MYO3A: variants seen among roughly 807,000 people sequenced by gnomAD.
MYO3A encodes myosin IIIA.
MYO3A carries 180 observed loss-of-function variants against 192.7 expected under a neutral mutation model. The ratio of observed to expected loss-of-function variants is 0.93; its 90% CI spans 0.83 to 1.06. The LOEUF (loss-of-function observed/expected upper bound fraction) is 1.06, where lower values mean the gene tolerates loss of function less well. MYO3A is among the 50% of genes least tolerant of loss of function. MYO3A has a pLI of 0.00. For missense variants in MYO3A, 1,896 were observed against 1,905.0 expected, an observed-to-expected ratio of 1.00 and a Z score of 0.09; for synonymous variants, 628 against 645.3, an observed-to-expected ratio of 0.97 and a Z score of 0.41.
intron 17 of MYO3A, among the ~76,000 whole-genome samples, chr10:26,105,251 G>A (rs757533663): frequency 6.6e-5 from 10 of 152,218 alleles, no homozygotes; most frequent in Non-Finnish European, 1.3e-4. Context: ...GGGTTAAAAG[G>A]TGTATATTTT....
chr10:25,985,851 A>G (rs1321122388), intron 4 of MYO3A, among the ~76,000 whole-genome samples: 1 of 152,246 alleles, frequency 6.6e-6, no homozygotes, highest in Non-Finnish European at 1.5e-5. Flanking sequence ...CTGTGAAGCC[A>G]GTATCACCCT....
At chr10:26,176,571 C>A in intron 30 of MYO3A, 130 bp from the exon 31 acceptor site, 1 of 782,052 alleles carries the variant, frequency 1.3e-6, no homozygotes. Context: ...GTGCAAGGGA[C>A]AGGGTGGGCC....
chr10:26,173,832 A>G lies in MYO3A; in HGVS notation c.3568A>G (p.Lys1190Glu), dbSNP rs779164701. The G allele has an allele frequency of 1.2e-6, 2 of 1,613,916 alleles. No individual in the cohort carries two copies. The highest frequency in any genetic ancestry group is 1.3e-5 in the African/African-American group (1 of 74,912). ...ESNNRVYQTPKKMNNVYEEEV... is the reference protein window; with the variant it reads ...ESNNRVYQTPEKMNNVYEEEV... ...TAACAACAGAGTGTATCAGACTCCAAAAAAAATGAATAATGTGTATGAGGA... is the reference window on the plus strand; with the variant it reads ...TAACAACAGAGTGTATCAGACTCCAGAAAAAATGAATAATGTGTATGAGGA... The change falls in exon 30 of 35, where the codon AAA becomes GAA. Residue 1190 changes from lysine (K) to glutamate (E), a missense_variant. Physicochemically the swap from Lys to Glu is moderately conservative, Grantham distance 56. Transcript: ENST00000642920.
chr10:26,138,222 A>C (rs12218737), intron 20 of MYO3A, among the ~76,000 whole-genome samples: 3 of 152,022 alleles, frequency 2.0e-5, no homozygotes, highest in Non-Finnish European at 4.4e-5. Context: ...GGTCACCCCC[A>C]GTGGCCCAGC....
At chr10:26,029,619 G>A (rs1842718875) in intron 10 of MYO3A, among the ~76,000 whole-genome samples, 1 of 152,040 alleles carries the variant, frequency 6.6e-6, no homozygotes, top group Non-Finnish European at 1.5e-5. Context: ...CTTACTTGGT[G>A]AGTGGTTTTT....
intron 6 of MYO3A, among the ~76,000 whole-genome samples, chr10:26,014,560 T>C (rs958958949): frequency 6.6e-6 from 1 of 152,164 alleles, no homozygotes; most frequent in Admixed American, 6.6e-5. Flanking sequence ...AAATACTGTT[T>C]GACTTATGCA....
intron 6 of MYO3A, among the ~76,000 whole-genome samples, chr10:26,010,944 T>C (rs974365624): frequency 4.6e-5 from 7 of 152,198 alleles, no homozygotes; most frequent in African/African-American, 1.7e-4. Context: ...CTGAAGAGTT[T>C]TGCATATATT....
intron 32 of MYO3A, among the ~76,000 whole-genome samples, chr10:26,199,548 TCA>T (rs768762261): frequency 2.6e-5 from 4 of 151,702 alleles, no homozygotes; most frequent in Admixed American, 6.6e-5. Flanking sequence ...CCAGCCTGAG[TCA>T]CAGAGCGAGA....
intron 1 of MYO3A, among the ~76,000 whole-genome samples, 170 bp from the exon 2 acceptor site, chr10:25,935,574 C>T (rs1836006001): frequency 6.6e-6 from 1 of 152,112 alleles, no homozygotes; most frequent in Admixed American, 6.5e-5. Context: ...AAATGAGGGG[C>T]TTTAAGTTCC....
At chr10:26,031,590 C>T (rs1035259511) in intron 10 of MYO3A, among the ~76,000 whole-genome samples, 1 of 152,198 alleles carries the variant, frequency 6.6e-6, no homozygotes, top group Non-Finnish European at 1.5e-5. Flanking sequence ...TTTGAAATTT[C>T]TTCCCCACAG....
rs188340633 is a variant in MYO3A, at chr10:25,947,974, A to C, written c.-17-4120A>C. Among the ~76,000 whole-genome samples, 27 of 152,298 alleles carry C rather than the reference A, an allele frequency of 1.8e-4. No individual in the cohort carries two copies. The East Asian group carries it at 5.2e-3, about 29-fold the overall frequency. On this transcript the variant is annotated intron_variant, in intron 2 of 34. Transcript: ENST00000642920. ...GTGTTAGGAAGTGATAAGTGTTATC[A>C]AAATAGAGCAGGGTAAGTGAGACAA...
chr10:25,948,896 T>C (rs1166142063), intron 2 of MYO3A, among the ~76,000 whole-genome samples: 1 of 152,156 alleles, frequency 6.6e-6, no homozygotes, highest in East Asian at 1.9e-4. Context: ...TTTGTCATTT[T>C]GTGACTTTTT....
At chr10:26,129,090 T>C (rs1839389994) in intron 20 of MYO3A, among the ~76,000 whole-genome samples, 1 of 152,254 alleles carries the variant, frequency 6.6e-6, no homozygotes, top group Non-Finnish European at 1.5e-5. Context: ...TGTACTGTAA[T>C]ACTAAGAATA....
intron 4 of MYO3A, among the ~76,000 whole-genome samples, chr10:25,981,698 C>T (rs12261300): frequency 0.096 from 14,588 of 152,176 alleles, 1,245 homozygotes; most frequent in African/African-American, 0.22. Context: ...TATTAGTCAT[C>T]AGGAAAATCT....
At chr10:26,188,953 A>T (rs187129355) in intron 31 of MYO3A, among the ~76,000 whole-genome samples, 2 of 152,258 alleles carry the variant, frequency 1.3e-5, no homozygotes, top group Admixed American at 1.3e-4. Context: ...TTGGCTTAGG[A>T]TTGACTTGGC....
chr10:25,985,285 T>C (rs1039242340), intron 4 of MYO3A, among the ~76,000 whole-genome samples: 1 of 139,332 alleles, frequency 7.2e-6, no homozygotes, highest in Non-Finnish European at 1.6e-5. Flanking sequence ...ATATATACAA[T>C]CTAAAGTCAC....
chr10:25,959,037 A>G (rs1445349919), intron 4 of MYO3A, among the ~76,000 whole-genome samples: 1 of 152,038 alleles, frequency 6.6e-6, no homozygotes, highest in Non-Finnish European at 1.5e-5. Flanking sequence ...ATCTTGCTGA[A>G]GTTGTTTATC....
chr10:26,193,277 A>G lies in MYO3A; in HGVS notation c.4511A>G (p.Asn1504Ser). The G allele has an allele frequency of 1.4e-5, 23 of 1,613,932 alleles. No homozygotes were observed. Among genetic ancestry groups the G allele is most frequent in the Non-Finnish European group, 1.8e-5 (21 of 1,179,888 alleles). ...CCCCGGAAACCCAAAACATTAAATAACCCTGAAGACTCCACATACTATTAT... is the reference window on the plus strand; with the variant it reads ...CCCCGGAAACCCAAAACATTAAATAGCCCTGAAGACTCCACATACTATTAT... The part of the protein sequence containing the change: ...RRPRKPKTLN[N>S]PEDSTYYYLL... Residue 1504 changes from asparagine to serine, a missense_variant, in exon 32 of 35, where the codon AAC becomes AGC. Coordinates refer to ENST00000642920, the MANE Select transcript of MYO3A (RefSeq NM_017433.5).
At chr10:26,127,245 TCTTA>T (rs373946826) in intron 19 of MYO3A, among the ~76,000 whole-genome samples, 6 of 152,304 alleles carry the variant, frequency 3.9e-5, no homozygotes, top group African/African-American at 1.4e-4. Flanking sequence ...CATTAATAGA[TCTTA>T]CTTTAAGAAT....
Sources: gnomAD v4.1 joint callset for allele counts (sites outside exome capture counted in the v4.1 genomes callset) on GRCh38, gnomAD v4.1.1 for gene constraint, MANE v1.5 for transcripts, NCBI Gene and HGNC (gene_info 2026-07-23, HGNC 2026-07-21) for gene names.